CCDC201: variants seen among roughly 807,000 people sequenced by gnomAD.
CCDC201 encodes coiled-coil domain containing 201, also known as coiled-coil domain-containing protein 201.
chr7:45,862,300 T>A (rs1187533459), exon 3 of CCDC201: 2 of 152,248 alleles, frequency 1.3e-5, no homozygotes, highest in African/African-American at 4.8e-5. Flanking sequence ...CCAGGTGTGG[T>A]GACTCCTGGA....
chr7:45,878,559 A>G, the CCDC201 span, among the ~76,000 whole-genome samples: 1 of 152,224 alleles, frequency 6.6e-6, no homozygotes, highest in African/African-American at 2.4e-5. Context: ...CTCTGAAGCA[A>G]TGGCCTGAGC....
chr7:45,881,242 C>T, the CCDC201 span, among the ~76,000 whole-genome samples: 9 of 152,218 alleles, frequency 5.9e-5, no homozygotes, highest in Non-Finnish European at 1.2e-4. Flanking sequence ...CCTGGTGGCT[C>T]GTCCTCATTT....
At chr7:45,874,900 A>G (rs554754167), upstream of CCDC201, among the ~76,000 whole-genome samples, 17 of 152,338 alleles carry the variant, frequency 1.1e-4, 1 homozygote, top group South Asian at 3.5e-3. Context: ...TTCCACTTGT[A>G]TGAGTATGTC....
chr7:45,880,868 A>T, the CCDC201 span, among the ~76,000 whole-genome samples: 1,598 of 152,274 alleles, frequency 0.01, 26 homozygotes, highest in African/African-American at 0.037. Flanking sequence ...GGGGTGACCT[A>T]TTATGGGCTG....
chr7:45,882,771 G>A, the CCDC201 span, among the ~76,000 whole-genome samples: 4 of 152,224 alleles, frequency 2.6e-5, no homozygotes, highest in African/African-American at 4.8e-5. Flanking sequence ...TTTGCAATGC[G>A]GCAGGAGGTC....
the CCDC201 span, among the ~76,000 whole-genome samples, chr7:45,882,524 G>A: frequency 6.6e-6 from 1 of 152,274 alleles, no homozygotes; most frequent in East Asian, 1.9e-4. Flanking sequence ...CCCCTTCAAG[G>A]GCTAACACAA....
chr7:45,878,330 C>T, the CCDC201 span, among the ~76,000 whole-genome samples: 18,758 of 152,268 alleles, frequency 0.12, 1,198 homozygotes, highest in Non-Finnish European at 0.14. Context: ...CCAGTGGGCC[C>T]TCTGTGTGGG....
At chr7:45,869,409 G>A (rs1171498799) in intron 1 of CCDC201, among the ~76,000 whole-genome samples, 4 of 152,190 alleles carry the variant, frequency 2.6e-5, no homozygotes, top group African/African-American at 9.7e-5. Context: ...ACTAGAGTTG[G>A]TGAAACCAAG....
chr7:45,881,101 G>T, the CCDC201 span, among the ~76,000 whole-genome samples: 1 of 152,290 alleles, frequency 6.6e-6, no homozygotes, highest in African/African-American at 2.4e-5. Flanking sequence ...TGACTTTCCT[G>T]AAGCCCATGC....
At chr7:45,881,380 G>A in the CCDC201 span, among the ~76,000 whole-genome samples, 405 of 152,292 alleles carry the variant, frequency 2.7e-3, 3 homozygotes, top group African/African-American at 9.5e-3. Flanking sequence ...GTGCAAGTGC[G>A]GGCCCAGAAG....
chr7:45,875,485 G>A (rs189919076), upstream of CCDC201, among the ~76,000 whole-genome samples: 127 of 150,544 alleles, frequency 8.4e-4, no homozygotes, highest in African/African-American at 3.0e-3. Context: ...AGGCACATAT[G>A]TACACACATA....
At chr7:45,860,757 T>C (rs1451289600) in exon 3 of CCDC201, 1 of 152,264 alleles carries the variant, frequency 6.6e-6, no homozygotes, top group Admixed American at 6.5e-5. Flanking sequence ...TCCATAGGCA[T>C]GTCTAGGCGC....
At chr7:45,879,004 GA>G in the CCDC201 span, among the ~76,000 whole-genome samples, 1 of 152,228 alleles carries the variant, frequency 6.6e-6, no homozygotes, top group Non-Finnish European at 1.5e-5. Flanking sequence ...TTGCTGCTTA[GA>G]AATTTCTTCC....
intron 1 of CCDC201, among the ~76,000 whole-genome samples, chr7:45,870,525 G>A (rs1057044117): frequency 1.3e-5 from 2 of 152,032 alleles, no homozygotes; most frequent in African/African-American, 2.4e-5. Flanking sequence ...GAAAAAATGT[G>A]GACATCAATA....
intron 1 of CCDC201, among the ~76,000 whole-genome samples, chr7:45,871,999 T>G (rs1429980837): frequency 6.6e-6 from 1 of 152,190 alleles, no homozygotes; most frequent in African/African-American, 2.4e-5. Flanking sequence ...GTATTCTATT[T>G]GGACACCAAC....
chr7:45,879,180 T>G, the CCDC201 span, among the ~76,000 whole-genome samples: 1 of 152,194 alleles, frequency 6.6e-6, no homozygotes, highest in Non-Finnish European at 1.5e-5. Context: ...TGGACTTAAT[T>G]GTCCATATCA....
At chr7:45,882,729 T>G in the CCDC201 span, among the ~76,000 whole-genome samples, 216 of 152,354 alleles carry the variant, frequency 1.4e-3, 4 homozygotes, top group East Asian at 0.039. Context: ...GAATCACTGA[T>G]AGTGGTTTCC....
the CCDC201 span, among the ~76,000 whole-genome samples, chr7:45,883,954 G>A: frequency 1.6e-3 from 236 of 146,602 alleles, 2 homozygotes; most frequent in African/African-American, 3.5e-3. Context: ...TTCCAGAACC[G>A]ATCTTTCTTT....
chr7:45,884,574 A>G, the CCDC201 span, among the ~76,000 whole-genome samples: 15 of 152,132 alleles, frequency 9.9e-5, no homozygotes, highest in Admixed American at 7.2e-4. Context: ...CCCAGCAGGA[A>G]GAACTACTGG....
Sources: allele counts gnomAD v4.1 joint callset (sites outside exome capture counted in the v4.1 genomes callset), GRCh38; gene constraint gnomAD v4.1.1; transcripts MANE v1.5; gene names NCBI Gene and HGNC (gene_info 2026-07-23, HGNC 2026-07-21).